The following SHE variants were observed in gnomAD, a reference collection of about 807,000 sequenced individuals.
The protein encoded by SHE is SH2 domain-containing adapter protein E.
Under a neutral mutation model 49.8 loss-of-function variants are expected in SHE, and 11 were observed. The observed-to-expected ratio is 0.22, with a 90% CI of 0.14 to 0.37. The LOEUF (loss-of-function observed/expected upper bound fraction) is 0.37. Ranked by LOEUF, SHE falls within the 10% of genes least tolerant of loss-of-function variation. SHE has a pLI of 1.00. For missense variants in SHE, 624 were observed against 655.5 expected (o/e 0.95, Z 0.52); for synonymous variants, 310 against 278.1 (o/e 1.11, Z -1.14).
In SHE at chr1:154,501,930, G is replaced by A. The variant is rs746746840; in HGVS notation, c.97C>T (p.Arg33Trp). Reference protein sequence around the residue: ...TAPTLLGRAGRGPLMAAKWFK... With the variant: ...TAPTLLGRAGWGPLMAAKWFK... The stretch of plus-strand genomic sequence containing the variant: ...CACTTGGCCGCCATGAGGGGGCCCC[G>A]GCCGGCTCGGCCCAGGAGCGTCGGG... Residue 33 changes from arginine to tryptophan, a missense_variant, in exon 1 of 6, where the codon CGG becomes TGG. Arg to Trp is a moderately radical substitution (Grantham distance 101, BLOSUM62 -3). Transcript: ENST00000304760. 2.7e-6 allele frequency: 4 copies of A among 1,488,818 alleles called. No homozygotes were observed. 92.2% of individuals were successfully genotyped at this position (1,488,818 alleles called of 1,614,324 possible).
chr1:154,475,061 T>A (rs891420606), downstream of SHE, among the ~76,000 whole-genome samples: 1 of 149,600 alleles, frequency 6.7e-6, no homozygotes, highest in Non-Finnish European at 1.5e-5. Context: ...GTCTAGGGAG[T>A]GAGGGAGCAG....
At chr1:154,471,028 A>C (rs1218897840) in intron 1 of SHE, among the ~76,000 whole-genome samples, 10 of 66,248 alleles carry the variant, frequency 1.5e-4, no homozygotes, top group South Asian at 5.5e-4. Flanking sequence ...AAAAAAAAAA[A>C]CACAAAAAAA....
intron 3 of SHE, among the ~76,000 whole-genome samples, chr1:154,487,841 C>A (rs1194358447): frequency 1.4e-5 from 2 of 145,552 alleles, no homozygotes; most frequent in Admixed American, 6.8e-5. Flanking sequence ...CAGAGTGAGA[C>A]CCTGTCTCAA....
chr1:154,477,797 A>C (rs1468654678), downstream of SHE, among the ~76,000 whole-genome samples: 1 of 150,758 alleles, frequency 6.6e-6, no homozygotes, highest in Admixed American at 6.6e-5. Context: ...AGGCTGAGGC[A>C]GGAGAATTGC....
chr1:154,501,780 T>C lies in SHE; in HGVS notation c.247A>G (p.Lys83Glu), dbSNP rs965986284. 2 of 1,562,090 alleles carry C rather than the reference T, an allele frequency of 1.3e-6. No homozygotes were observed. Among genetic ancestry groups the C allele is most frequent in the Non-Finnish European group, 1.7e-6 (2 of 1,160,834 alleles). Reference sequence around the variant, plus strand: ...CTCCCCAGCTCGGCCGCCGAGTTCTTGCGGCCCTTGCCAGGACCCGGCCCA... The same window carrying C: ...CTCCCCAGCTCGGCCGCCGAGTTCTCGCGGCCCTTGCCAGGACCCGGCCCA... The part of the protein sequence containing the change: ...GAGPGPGKGR[K>E]NSAAELGSGR... The change falls in exon 1 of 6, where the codon AAG becomes GAG. Residue 83 changes from lysine (K) to glutamate (E), a missense_variant. Lys to Glu is a moderately conservative substitution (Grantham distance 56). This residue lies in a region of SHE where 337 missense variants were observed against 306.0 expected (regional missense o/e 1.10). Coordinates refer to ENST00000304760, the MANE Select transcript of SHE (RefSeq NM_001010846.3).
chr1:154,476,521 T>C (rs1028254268), downstream of SHE, among the ~76,000 whole-genome samples: 30 of 151,986 alleles, frequency 2.0e-4, no homozygotes, highest in Non-Finnish European at 2.9e-5. Flanking sequence ...TGGGCACCTA[T>C]AATCCCAGCT....
Position 154,480,697 on chromosome 1 carries a change from C to G in SHE, c.*3452G>C, listed in dbSNP as rs1691995747. 1.0e-6 allele frequency: 1 copy of G among 985,374 alleles called. No individual in the cohort carries two copies. Among genetic ancestry groups the G allele is most frequent in the African/African-American group, 1.7e-5 (1 of 57,326 alleles). 61.0% of individuals were successfully genotyped at this position (985,374 alleles called of 1,614,324 possible). A position where few individuals can be genotyped will look rare whatever the true frequency, so the allele number is the denominator to read the frequency against. On this transcript the variant is annotated 3_prime_UTR_variant, in exon 6 of 6. Transcript: ENST00000304760. ...ATAACTTAAAATGACACTTCTGCCC[C>G]CAACAGAGAGTAGATATATCAATAT...
At chr1:154,478,226 C>A (rs530568432), downstream of SHE, among the ~76,000 whole-genome samples, 22 of 152,148 alleles carry the variant, frequency 1.4e-4, no homozygotes, top group South Asian at 4.2e-3. Flanking sequence ...GGTCAAGGAG[C>A]CGGAATGAAG....
intron 1 of SHE, among the ~76,000 whole-genome samples, chr1:154,500,110 A>G (rs1257094659): frequency 6.6e-6 from 1 of 152,210 alleles, no homozygotes; most frequent in Non-Finnish European, 1.5e-5. Flanking sequence ...GAAGAGGAGG[A>G]AACAGCCTGG....
downstream of SHE, among the ~76,000 whole-genome samples, chr1:154,478,619 G>T (rs1691943315): frequency 6.6e-6 from 1 of 152,152 alleles, no homozygotes; most frequent in South Asian, 2.1e-4. Flanking sequence ...AAAAGCATTT[G>T]TTCAGCAGCA....
At position 154,482,423 on chromosome 1, in the gene SHE, A is replaced by C. The variant is rs575847706; in HGVS notation, c.*1726T>G. 5.1e-6 allele frequency: 5 copies of C among 985,402 alleles called. No homozygotes were observed. Among genetic ancestry groups the C allele is most frequent in the East Asian group, 1.1e-4 (1 of 8,822 alleles). The allele number at this position is 985,402 out of a possible 1,614,324, so 61.0% of individuals were successfully genotyped here. A position where few individuals can be genotyped will look rare whatever the true frequency, so the allele number is the denominator to read the frequency against. On this transcript the variant is annotated 3_prime_UTR_variant, in exon 6 of 6. Transcript: ENST00000304760. ...TGGCTGAGATCTTATCTGAATAAAG[A>C]AGCAAAAATTTACTAACCTCTAAAT...
At chr1:154,484,887 C>T (rs1692124052) in intron 5 of SHE, 1 of 151,764 alleles carries the variant, frequency 6.6e-6, no homozygotes, top group Non-Finnish European at 1.5e-5. Flanking sequence ...ATCACTTGAA[C>T]CCAGGAGGCG....
At chr1:154,489,460 C>T in intron 2 of SHE, 104 bp from the exon 3 acceptor site, 1 of 1,361,274 alleles carries the variant, frequency 7.3e-7, no homozygotes, top group African/African-American at 1.4e-5. Flanking sequence ...CTCAGCACCT[C>T]TGTCTGTCTG....
rs773793923 is a variant in SHE at position 154,480,241 on chromosome 1, G to C, written c.*3908C>G. 19 of 985,366 alleles carry C rather than the reference G, an allele frequency of 1.9e-5. No individual in the cohort carries two copies. Among genetic ancestry groups the C allele is most frequent in the Non-Finnish European group, 2.2e-5 (18 of 829,972 alleles). The allele number at this position is 985,366 out of a possible 1,614,324, so 61.0% of individuals were successfully genotyped here. On this transcript the variant is annotated 3_prime_UTR_variant, in exon 6 of 6. Transcript: ENST00000304760. The stretch of plus-strand genomic sequence containing the variant: ...AACGAGAGATCTGTGAAGGGTTTCA[G>C]TGCAATCCTGCTGAGTGTCAAGGGG...
chr1:154,486,712 A>G, intron 3 of SHE, 29 bp from the exon 4 acceptor site: 1 of 1,611,532 alleles, frequency 6.2e-7, no homozygotes, highest in Non-Finnish European at 8.5e-7. Flanking sequence ...TTAACATCAC[A>G]GGCCACTGCG....
chr1:154,474,713 C>T (rs886902614), downstream of SHE, among the ~76,000 whole-genome samples: 1 of 152,080 alleles, frequency 6.6e-6, no homozygotes, highest in Admixed American at 6.5e-5. Context: ...CTATGTTGGC[C>T]AGGCTGGTCT....
downstream of SHE, among the ~76,000 whole-genome samples, chr1:154,477,890 C>CAAAAAAAAAAA (rs35912019): frequency 2.9e-5 from 3 of 104,312 alleles, no homozygotes; most frequent in Non-Finnish European, 5.7e-5. Context: ...GACACTGTCT[C>CAAAAAAAAAAA]AAAAAAAAAA....
At position 154,501,483 on chromosome 1, in the gene SHE, G is replaced by A. The variant is rs1408858322; in HGVS notation, c.544C>T (p.Leu182=). Residue 182 remains leucine (L), a synonymous_variant, in exon 1 of 6, where the codon CTG becomes TTG. Transcript: ENST00000304760. ...TTGCCCTTGTCCAGCTCGGGCCCCAGGGAGGAAGGGGAAGAGGACGCGGAG... is the reference window on the plus strand; with the variant it reads ...TTGCCCTTGTCCAGCTCGGGCCCCAAGGAGGAAGGGGAAGAGGACGCGGAG... ...SSSASSSPSS[L]GPELDKGKII... The A allele has an allele frequency of 1.9e-6, 3 of 1,614,190 alleles. No individual in the cohort carries two copies. Among genetic ancestry groups the A allele is most frequent in the African/African-American group, 2.7e-5 (2 of 75,050 alleles).
intron 1 of SHE, among the ~76,000 whole-genome samples, 196 bp from the exon 2 acceptor site, chr1:154,499,434 G>T (rs1402166824): frequency 2.0e-5 from 3 of 152,096 alleles, no homozygotes; most frequent in Non-Finnish European, 2.9e-5. Flanking sequence ...CAGTTGATTT[G>T]CAACAATTCA....
Sources: gnomAD v4.1 joint callset for allele counts (sites outside exome capture counted in the v4.1 genomes callset) on GRCh38, gnomAD v4.1.1 for gene constraint, gnomAD v4.1.1 regional missense constraint, MANE v1.5 for transcripts, NCBI Gene and HGNC (gene_info 2026-07-23, HGNC 2026-07-21) for gene names.